Variants in NOS1 observed in about 807,000 individuals in gnomAD.
NOS1 encodes the protein nitric oxide synthase 1, also known as NOS type I.
Under a neutral mutation model 164.5 loss-of-function variants are expected in NOS1, and 51 were observed. That is an observed-to-expected ratio of 0.31 (90% CI 0.25 to 0.39). NOS1 has a LOEUF of 0.39. NOS1 is among the 10% of genes least tolerant of loss of function. NOS1 has a pLI of 1.00. For synonymous variants in NOS1, 719 were observed against 745.8 expected (o/e 0.96, Z 0.59); for missense variants, 1,362 against 1,885.6 (o/e 0.72, Z 5.14).
chr12:117,266,993 T>C (rs925951962), intron 11 of NOS1, among the ~76,000 whole-genome samples: 1 of 152,172 alleles, frequency 6.6e-6, no homozygotes, highest in African/African-American at 2.4e-5. Context: ...TGTCTCAACT[T>C]GTCCCTTCCC....
At chr12:117,350,789 G>T (rs952073419) in intron 1 of NOS1, among the ~76,000 whole-genome samples, 2 of 152,110 alleles carry the variant, frequency 1.3e-5, no homozygotes, top group African/African-American at 4.8e-5. Flanking sequence ...ACTTATCTGG[G>T]CTCCCGAAGA....
At chr12:117,342,782 T>G (rs965044053) in intron 1 of NOS1, among the ~76,000 whole-genome samples, 4 of 152,138 alleles carry the variant, frequency 2.6e-5, no homozygotes, top group East Asian at 3.9e-4. Context: ...AGGCTGGGTA[T>G]GGGGAGCCTG....
At chr12:117,333,465 TG>T (rs918634262) in intron 1 of NOS1, among the ~76,000 whole-genome samples, 6 of 152,124 alleles carry the variant, frequency 3.9e-5, no homozygotes, top group African/African-American at 1.4e-4. Flanking sequence ...CTGCTGCCTC[TG>T]AGAGCAGAAG....
At chr12:117,297,291 GGAACT>G (rs1873481281) in intron 3 of NOS1, among the ~76,000 whole-genome samples, 1 of 152,220 alleles carries the variant, frequency 6.6e-6, no homozygotes, top group Admixed American at 6.5e-5. Context: ...CTGGAAGCAG[GGAACT>G]GAAGGTTGGG....
intron 24 of NOS1, 127 bp from the exon 25 acceptor site, chr12:117,225,264 G>T: frequency 7.9e-7 from 1 of 1,261,994 alleles, no homozygotes; most frequent in South Asian, 1.5e-5. Flanking sequence ...CTTCAGCCGG[G>T]GCCAGGTGCC....
At chr12:117,228,144 G>T (rs1868868302) in intron 22 of NOS1, among the ~76,000 whole-genome samples, 6 of 152,058 alleles carry the variant, frequency 3.9e-5, no homozygotes, top group Admixed American at 3.9e-4. Flanking sequence ...AAGAAAAAGG[G>T]AGCAATAATA....
At chr12:117,260,101 A>G (rs2135978882) in intron 14 of NOS1, among the ~76,000 whole-genome samples, 1 of 148,294 alleles carries the variant, frequency 6.7e-6, no homozygotes, top group Non-Finnish European at 1.5e-5. Flanking sequence ...CCTGGGTGAC[A>G]GAGTGAAACT....
Position 117,213,283 on chromosome 12 carries a change from T to C in NOS1, c.*2026A>G. The stretch of plus-strand genomic sequence containing the variant: ...TATAAAGGATTGGAAAGAAAGCCTT[T>C]GGGAGGAAAGCTACTAGGAGCTGGA... On this transcript the variant is annotated 3_prime_UTR_variant, in exon 29 of 29. Coordinates refer to ENST00000317775, the MANE Select transcript of NOS1 (RefSeq NM_000620.5). 5.1e-6 allele frequency: 5 copies of C among 985,452 alleles called. No homozygotes were observed. The highest frequency in any genetic ancestry group is 4.8e-6 in the Non-Finnish European group (4 of 829,962). 61.0% of individuals were successfully genotyped at this position (985,452 alleles called of 1,614,324 possible). A position where few individuals can be genotyped will look rare whatever the true frequency, so the allele number is the denominator to read the frequency against.
intron 8 of NOS1, among the ~76,000 whole-genome samples, chr12:117,279,484 T>G (rs1873458115): frequency 6.6e-6 from 1 of 152,230 alleles, no homozygotes; most frequent in Admixed American, 6.5e-5. Flanking sequence ...ACATCTCAAC[T>G]GGGACTGGCC....
chr12:117,268,781 T>C (rs1382957413), intron 10 of NOS1, among the ~76,000 whole-genome samples: 1 of 147,220 alleles, frequency 6.8e-6, no homozygotes, highest in Non-Finnish European at 1.5e-5. Context: ...GTATTTTTAG[T>C]AGAGAGGGGG....
intron 24 of NOS1, among the ~76,000 whole-genome samples, chr12:117,225,560 T>C (rs1868596374): frequency 6.6e-6 from 1 of 152,100 alleles, no homozygotes; most frequent in African/African-American, 2.4e-5. Context: ...CATTGTCAAA[T>C]GTCCCTGGGT....
At chr12:117,256,118 G>C (rs1871423262) in intron 16 of NOS1, 2 of 681,712 alleles carry the variant, frequency 2.9e-6, no homozygotes, top group African/African-American at 3.7e-5. Flanking sequence ...ATCTAGGATG[G>C]GGTGGGAAGG....
At chr12:117,250,153 G>A (rs1870976116) in intron 17 of NOS1, among the ~76,000 whole-genome samples, 1 of 151,914 alleles carries the variant, frequency 6.6e-6, no homozygotes, top group Admixed American at 6.6e-5. Flanking sequence ...ATGAACTTGG[G>A]GTGGGTCCAG....
At chr12:117,240,546 T>A (rs1038001812) in intron 20 of NOS1, among the ~76,000 whole-genome samples, 2 of 152,264 alleles carry the variant, frequency 1.3e-5, no homozygotes, top group African/African-American at 4.8e-5. Context: ...TGGCGTCAGA[T>A]AACCGGGTCG....
chr12:117,359,638 G>A (rs1408408586), intron 1 of NOS1, among the ~76,000 whole-genome samples: 1 of 151,986 alleles, frequency 6.6e-6, no homozygotes, highest in African/African-American at 2.4e-5. Flanking sequence ...TCCCTCCGTG[G>A]TGGCTGCGTG....
At chr12:117,261,597 A>G (rs1367099508) in intron 13 of NOS1, among the ~76,000 whole-genome samples, 2 of 152,170 alleles carry the variant, frequency 1.3e-5, no homozygotes, top group African/African-American at 2.4e-5. Context: ...TTATTCAGCA[A>G]TGCATGTCAA....
rs1956466409 is a variant in NOS1 at position 117,208,143 on chromosome 12, T to G, written c.*7166A>C. 1 of 717,222 alleles carries G rather than the reference T, an allele frequency of 1.4e-6. No individual in the cohort carries two copies. The highest frequency in any genetic ancestry group is 1.9e-5 in the African/African-American group (1 of 51,608). 44.4% of individuals were successfully genotyped at this position (717,222 alleles called of 1,614,324 possible). A position where few individuals can be genotyped will look rare whatever the true frequency, so the allele number is the denominator to read the frequency against. On this transcript the variant is annotated 3_prime_UTR_variant, in exon 29 of 29. Coordinates refer to ENST00000317775, the MANE Select transcript of NOS1 (RefSeq NM_000620.5). ...AACAGAAGACAGCAGCCAGCCAAGT[T>G]GAATCCACTTTTTAATATTGTAACC...
rs747656897 is a variant in NOS1 at position 117,265,421 on chromosome 12, G to A, written c.2031C>T (p.Cys677=). The A allele has an allele frequency of 6.3e-7, 1 of 1,594,938 alleles. No individual in the cohort carries two copies. Among genetic ancestry groups the A allele is most frequent in the South Asian group, 1.2e-5 (1 of 85,702 alleles). The change falls in exon 12 of 29, where the codon TGC becomes TGT. Residue 677 remains cysteine, a synonymous_variant. Transcript: ENST00000317775. Reference sequence around the variant, plus strand: ...GCACGATCCACACCCAGTCGGCAGGGCAGCCCCCCCGGCAGCGGTACTCAT... The same window carrying A: ...GCACGATCCACACCCAGTCGGCAGGACAGCCCCCCCGGCAGCGGTACTCAT... The part of the protein sequence containing the change: ...MENEYRCRGG[C]PADWVWIVPP...
chr12:117,274,411 C>G (rs566735094), intron 9 of NOS1, among the ~76,000 whole-genome samples: 2 of 152,168 alleles, frequency 1.3e-5, no homozygotes, highest in Admixed American at 6.5e-5. Flanking sequence ...GGCAGATCCT[C>G]AAAAAACTGC....
Sources: allele counts gnomAD v4.1 joint callset (sites outside exome capture counted in the v4.1 genomes callset), GRCh38; gene constraint gnomAD v4.1.1; transcripts MANE v1.5; gene names NCBI Gene and HGNC (gene_info 2026-07-23, HGNC 2026-07-21).